EMC8: variants seen among roughly 807,000 people sequenced by gnomAD.
EMC8 encodes ER membrane protein complex subunit 8, also known as COX4 neighbor.
In EMC8, 11 loss-of-function variants were observed where a neutral mutation model predicts 24.3. The ratio of observed to expected loss-of-function variants is 0.45; its 90% CI spans 0.28 to 0.75. EMC8 has a LOEUF of 0.75. EMC8 is among the 30% of genes least tolerant of loss of function. The pLI is 0.12. For missense variants in EMC8, 277 were observed against 282.7 expected, an observed-to-expected ratio of 0.98 and a Z score of 0.14; for synonymous variants, 145 against 117.7, an observed-to-expected ratio of 1.23 and a Z score of -1.50.
intron 1 of EMC8, among the ~76,000 whole-genome samples, chr16:85,798,353 C>A (rs1481441922): frequency 6.6e-6 from 1 of 151,982 alleles, no homozygotes; most frequent in African/African-American, 2.4e-5. Flanking sequence ...AACTTCTGAC[C>A]TCAGGTGATC....
chr16:85,784,404 A>C (rs759550863), intron 2 of EMC8: 1 of 152,256 alleles, frequency 6.6e-6, no homozygotes, highest in Non-Finnish European at 1.5e-5. Context: ...GCTAAAAAAA[A>C]TTAATAATGT....
intron 1 of EMC8, chr16:85,792,876 A>G (rs1905078361): frequency 6.6e-6 from 1 of 152,204 alleles, no homozygotes; most frequent in Non-Finnish European, 1.5e-5. Context: ...GACACCCCAC[A>G]CCCTGATGTG....
chr16:85,780,040 T>C (rs183489180), intron 4 of EMC8, 173 bp from the exon 5 acceptor site: 9 of 619,302 alleles, frequency 1.5e-5, no homozygotes, highest in Admixed American at 2.9e-5. Flanking sequence ...ATAGAAGACA[T>C]GGTTAATACA....
intron 1 of EMC8, among the ~76,000 whole-genome samples, chr16:85,794,078 G>C (rs538649340): frequency 6.6e-6 from 1 of 152,318 alleles, no homozygotes; most frequent in African/African-American, 2.4e-5. Context: ...GAATGGAACA[G>C]AGCCATGAGA....
At chr16:85,781,428 T>C in intron 2 of EMC8, 148 bp from the exon 3 acceptor site, 2 of 621,526 alleles carry the variant, frequency 3.2e-6, no homozygotes, top group Non-Finnish European at 2.9e-6. Flanking sequence ...GCTGGTTTAC[T>C]TATTATTTAA....
At chr16:85,792,087 G>A (rs1013681066) in intron 1 of EMC8, among the ~76,000 whole-genome samples, 2 of 152,130 alleles carry the variant, frequency 1.3e-5, no homozygotes, top group African/African-American at 4.8e-5. Context: ...TCTCTTTCCT[G>A]GGCTGAAGCC....
At position 85,779,800 on chromosome 16, in the gene EMC8, C is replaced by T. The variant is rs754565994; in HGVS notation, c.541G>A (p.Glu181Lys). ...TGGTTATCGAAATCCACGAGCGTCT[C>T]GTAGGACCGGCTGTCCAGGAGCGAG... is the stretch of plus-strand genomic sequence containing the variant. ...SASLLDSRSY[E>K]TLVDFDNHLD... is the part of the protein sequence containing the mutation. Residue 181 changes from glutamate (E) to lysine (K), a missense_variant, in exon 5 of 5, where the codon GAG becomes AAG. Transcript: ENST00000253457. 5.3e-5 allele frequency: 86 copies of T among 1,614,058 alleles called. No homozygotes were observed. Among genetic ancestry groups the T allele is most frequent in the Non-Finnish European group, 6.6e-5 (78 of 1,180,040 alleles).
chr16:85,789,461 G>C (rs1477947892), intron 1 of EMC8, among the ~76,000 whole-genome samples: 2 of 152,160 alleles, frequency 1.3e-5, no homozygotes, highest in Admixed American at 6.5e-5. Flanking sequence ...CAACCAGATA[G>C]AAACAGAGCC....
rs1468021453 is a variant in EMC8 at position 85,797,718 on chromosome 16, G to A, written c.231+1347C>T. Among the ~76,000 whole-genome samples the A allele has an allele frequency of 3.9e-5, 6 of 152,268 alleles. No homozygotes were observed. The South Asian group carries it at 8.3e-4, about 21-fold the overall frequency. On this transcript the variant is annotated intron_variant, in intron 1 of 4. Transcript: ENST00000253457. ...AAATGGTAGATTATGAAATGGCTTC[G>A]TTTTACTTGGTGGAGGAGGGACACA... is the stretch of plus-strand genomic sequence containing the variant.
intron 2 of EMC8, among the ~76,000 whole-genome samples, chr16:85,788,319 C>A (rs771582023): frequency 6.6e-6 from 1 of 152,272 alleles, no homozygotes; most frequent in Non-Finnish European, 1.5e-5. Context: ...TGTCGCCAGC[C>A]TTGTTTACAG....
intron 1 of EMC8, among the ~76,000 whole-genome samples, chr16:85,795,128 C>A (rs956000836): frequency 2.4e-4 from 36 of 152,088 alleles, no homozygotes; most frequent in African/African-American, 8.7e-4. Flanking sequence ...GCATTCACAT[C>A]CCATAGTCGG....
At position 85,779,652 on chromosome 16, in the gene EMC8, G is replaced by C; in HGVS notation, c.*56C>G. 6.5e-7 allele frequency: 1 copy of C among 1,546,376 alleles called. No homozygotes were observed. The highest frequency in any genetic ancestry group is 8.9e-7 in the Non-Finnish European group (1 of 1,121,306). ...GATATTTTATTTACATTTAAAAATA[G>C]GTTTTCTTCTTCAACGTAGTGGAAA... On this transcript the variant is annotated 3_prime_UTR_variant, in exon 5 of 5. Transcript: ENST00000253457.
intron 1 of EMC8, among the ~76,000 whole-genome samples, chr16:85,797,591 G>A (rs1194181996): frequency 6.6e-6 from 1 of 152,116 alleles, no homozygotes; most frequent in Non-Finnish European, 1.5e-5. Context: ...ACTTTAACAG[G>A]CACTCAAAGA....
At chr16:85,781,603 GTTTT>G (rs1164194909) in intron 2 of EMC8, 2 of 110,846 alleles carry the variant, frequency 1.8e-5, no homozygotes, top group Non-Finnish European at 3.7e-5. Context: ...ACTTTTTAGT[GTTTT>G]TTTTTGCTTT....
intron 2 of EMC8, chr16:85,784,732 T>G (rs1335767431): frequency 1.3e-5 from 2 of 152,066 alleles, no homozygotes; most frequent in Non-Finnish European, 2.9e-5. Context: ...TCAGGAGGCC[T>G]GCCCATGTAC....
intron 1 of EMC8, among the ~76,000 whole-genome samples, chr16:85,791,610 C>T (rs1206016817): frequency 2.6e-5 from 4 of 152,172 alleles, no homozygotes; most frequent in Non-Finnish European, 5.9e-5. Flanking sequence ...TGATGCCAGC[C>T]AAAATTTTTT....
chr16:85,780,730 T>G, intron 3 of EMC8: 2 of 533,732 alleles, frequency 3.7e-6, no homozygotes, highest in Non-Finnish European at 6.8e-6. Flanking sequence ...CATCCTAGGA[T>G]TCTGTCTGAA....
intron 1 of EMC8, among the ~76,000 whole-genome samples, chr16:85,794,282 C>T (rs1388815649): frequency 6.6e-6 from 1 of 152,166 alleles, no homozygotes; most frequent in African/African-American, 2.4e-5. Context: ...TGTGGATGGA[C>T]TCCAGCTGCA....
chr16:85,791,439 A>G (rs949280222), intron 1 of EMC8, among the ~76,000 whole-genome samples: 1 of 152,156 alleles, frequency 6.6e-6, no homozygotes, highest in Non-Finnish European at 1.5e-5. Flanking sequence ...CGCATGCATT[A>G]GCTATTTGTC....
Sources: gnomAD v4.1 joint callset for allele counts (sites outside exome capture counted in the v4.1 genomes callset) on GRCh38, gnomAD v4.1.1 for gene constraint, MANE v1.5 for transcripts, NCBI Gene and HGNC (gene_info 2026-07-23, HGNC 2026-07-21) for gene names.